The following GRIN2D variants were observed in gnomAD, a reference collection of about 807,000 sequenced individuals.
The protein encoded by GRIN2D is glutamate ionotropic receptor NMDA type subunit 2D, also known as glutamate receptor ionotropic, NMDA 2D.
GRIN2D carries 37 observed loss-of-function variants against 103.2 expected under a neutral mutation model. The observed-to-expected ratio is 0.36, with a 90% CI of 0.28 to 0.47. The LOEUF (loss-of-function observed/expected upper bound fraction) is 0.47. Ranked by LOEUF, GRIN2D falls within the 20% of genes least tolerant of loss-of-function variation. GRIN2D has a pLI of 1.00. For missense variants in GRIN2D, 1,557 were observed against 1,910.6 expected, an observed-to-expected ratio of 0.81 and a Z score of 3.45; for synonymous variants, 845 against 885.6, an observed-to-expected ratio of 0.95 and a Z score of 0.81.
intron 11 of GRIN2D, among the ~76,000 whole-genome samples, chr19:48,430,502 AG>A (rs1182711092): frequency 1.3e-5 from 2 of 150,746 alleles, no homozygotes; most frequent in African/African-American, 4.9e-5. Flanking sequence ...CCCAGCTGAT[AG>A]GGGGTTTCAC....
In GRIN2D at chr19:48,398,351, CG is replaced by C. The variant is rs1970667837; in HGVS notation, c.-26-14del. 1 of 1,071,058 alleles carries C rather than the reference CG, an allele frequency of 9.3e-7. No homozygotes were observed. The highest frequency in any genetic ancestry group is 4.5e-5 in the South Asian group (1 of 22,258). 66.3% of individuals were successfully genotyped at this position (1,071,058 alleles called of 1,614,324 possible). A position where few individuals can be genotyped will look rare whatever the true frequency, so the allele number is the denominator to read the frequency against. On this transcript the variant is annotated splice_polypyrimidine_tract_variant and intron_variant, in intron 2 of 13. Coordinates refer to ENST00000263269, the MANE Select transcript of GRIN2D (RefSeq NM_000836.4). ...GCCTCCCTCTCCTCCCCGTCTCTCC[CG>C]GCCCGGGCGCTCAGAGGCCGCCCGG...
intron 11 of GRIN2D, among the ~76,000 whole-genome samples, chr19:48,441,455 A>G (rs1971290767): frequency 6.6e-6 from 1 of 151,928 alleles, no homozygotes. Flanking sequence ...AGCTTTCCCT[A>G]TAGTCCCTGC....
chr19:48,412,370 T>A (rs545183234), intron 4 of GRIN2D, among the ~76,000 whole-genome samples: 2 of 69,432 alleles, frequency 2.9e-5, no homozygotes, highest in Non-Finnish European at 6.4e-5. Context: ...CATAAAAATT[T>A]AAAAAAAAGA....
chr19:48,434,944 C>T (rs1027622362), intron 11 of GRIN2D, among the ~76,000 whole-genome samples: 5 of 152,102 alleles, frequency 3.3e-5, no homozygotes, highest in African/African-American at 1.2e-4. Flanking sequence ...ATTTATTTCA[C>T]ATATTTTGTA....
At chr19:48,423,221 C>A (rs1465993042) in intron 11 of GRIN2D, among the ~76,000 whole-genome samples, 1 of 151,930 alleles carries the variant, frequency 6.6e-6, no homozygotes, top group Non-Finnish European at 1.5e-5. Flanking sequence ...AAAAAGAAAA[C>A]AATACAAAAA....
rs1970781062 is a variant in GRIN2D at position 48,405,478 on chromosome 19, A to G, written c.1085+125A>G. The G allele has an allele frequency of 2.0e-6, 2 of 1,008,896 alleles. No homozygotes were observed. The highest frequency in any genetic ancestry group is 2.7e-6 in the Non-Finnish European group (2 of 728,714). The allele number at this position is 1,008,896 out of a possible 1,614,324, so 62.5% of individuals were successfully genotyped here. ...TTGAGCCTCAGTTTTCTTTTCTGTA[A>G]AGTGGGTGCAATTGGGTCTCTTTTC... On this transcript the variant is annotated intron_variant, in intron 4 of 13. Transcript: ENST00000263269. This position sits in a 1 kb window ranked among gnomAD's most constrained non-coding sequence, Gnocchi z 5.1.
At chr19:48,409,326 G>A (rs865926362) in intron 4 of GRIN2D, among the ~76,000 whole-genome samples, 4 of 146,590 alleles carry the variant, frequency 2.7e-5, no homozygotes, top group African/African-American at 5.1e-5. Flanking sequence ...TTGCCCAGGC[G>A]GGAGTGCAGT....
At chr19:48,420,738 A>G (rs1415913683) in intron 10 of GRIN2D, among the ~76,000 whole-genome samples, 1 of 152,084 alleles carries the variant, frequency 6.6e-6, no homozygotes, top group Non-Finnish European at 1.5e-5. Context: ...AGGCAGGAGA[A>G]TCGCTTGAAC....
chr19:48,419,829 A>AGGGCT lies in GRIN2D; in HGVS notation c.2091+23_2091+27dup. 6.8e-7 allele frequency: 1 copy of AGGGCT among 1,470,452 alleles called. No homozygotes were observed. The highest frequency in any genetic ancestry group is 9.2e-7 in the Non-Finnish European group (1 of 1,084,416). 91.1% of individuals were successfully genotyped at this position (1,470,452 alleles called of 1,614,324 possible). A position where few individuals can be genotyped will look rare whatever the true frequency, so the allele number is the denominator to read the frequency against. ...GTGACCGCAAGGTGTGTGTGGGCCC[A>AGGGCT]GGGCTGGGCTGGAGCTGGGGCTGGG... On this transcript the variant is annotated intron_variant, in intron 10 of 13. Coordinates refer to ENST00000263269, the MANE Select transcript of GRIN2D (RefSeq NM_000836.4).
At position 48,443,022 on chromosome 19, in the gene GRIN2D, GC is replaced by G. The variant is rs1186341381; in HGVS notation, c.3102del (p.Ala1035ProfsTer483). On this transcript the variant is annotated frameshift_variant, in exon 14 of 14. Transcript: ENST00000263269. LOFTEE classifies it high-confidence loss of function. The surrounding 1 kb of genome is among the most constrained non-coding windows in gnomAD (Gnocchi z 8.9). ...TCCCCGGCTTCCCGTCGCCGCCCGC[GC>G]CCCCCGCCGCCGCGGCCACCGCCGT... is the stretch of plus-strand genomic sequence containing the variant. ...AFPGFPSPPAPPAAAATAVGP... is the reference protein window; with the variant it reads ...AFPGFPSPPAXPAAAATAVGP... 6 of 1,047,154 alleles carry G rather than the reference GC, an allele frequency of 5.7e-6. No homozygotes were observed. Among genetic ancestry groups the G allele is most frequent in the South Asian group, 4.1e-5 (1 of 24,256 alleles). The allele number at this position is 1,047,154 out of a possible 1,614,324, so 64.9% of individuals were successfully genotyped here.
At chr19:48,440,841 C>A (rs1263807092) in intron 11 of GRIN2D, among the ~76,000 whole-genome samples, 8 of 152,006 alleles carry the variant, frequency 5.3e-5, no homozygotes, top group Non-Finnish European at 1.0e-4. Context: ...TGCCTGCCAC[C>A]ACACCTGGCT....
Position 48,443,718 on chromosome 19 carries a change from G to T in GRIN2D, c.3792G>T (p.Pro1264=). The change falls in exon 14 of 14, where the codon CCG becomes CCT. Residue 1264 remains proline, a synonymous_variant. Transcript: ENST00000263269. The surrounding 1 kb of genome is among the most constrained non-coding windows in gnomAD (Gnocchi z 8.9). ...CCGCTGGGGGCTGGGACCTCCCGCCGCCCGCGCCCACCTCGCGCTCGCTCG... is the reference window on the plus strand; with the variant it reads ...CCGCTGGGGGCTGGGACCTCCCGCCTCCCGCGCCCACCTCGCGCTCGCTCG... ...RRAAGGWDLP[P]PAPTSRSLED... 3 of 1,320,028 alleles carry T rather than the reference G, an allele frequency of 2.3e-6. No homozygotes were observed. Among genetic ancestry groups the T allele is most frequent in the Non-Finnish European group, 1.9e-6 (2 of 1,037,146 alleles). 81.8% of individuals were successfully genotyped at this position (1,320,028 alleles called of 1,614,324 possible).
rs549084356 is a variant in GRIN2D, at chr19:48,428,044, CTTT to C, written c.2252+6115_2252+6117del. On this transcript the variant is annotated intron_variant, in intron 11 of 13. Coordinates refer to ENST00000263269, the MANE Select transcript of GRIN2D (RefSeq NM_000836.4). ...CTGTTTGTGTCTCTGTGGCCAAGTT[CTTT>C]TTTTTTTTTTTTTTTGAGATGGAGT... Among the ~76,000 whole-genome samples the C allele has an allele frequency of 5.0e-5, 6 of 120,526 alleles. No individual in the cohort carries two copies. In the East Asian group the frequency reaches 7.1e-4, roughly 14 times the overall value. The allele number at this position is 120,526 out of a possible 152,430, so 79.1% of individuals were successfully genotyped here.
At chr19:48,420,924 TC>T (rs1971015200) in intron 10 of GRIN2D, among the ~76,000 whole-genome samples, 1 of 152,174 alleles carries the variant, frequency 6.6e-6, no homozygotes, top group East Asian at 1.9e-4. Context: ...CTCTCTCCAT[TC>T]CTGTACACAT....
chr19:48,414,008 C>G lies in GRIN2D; in HGVS notation c.1103C>G (p.Thr368Arg). 1 of 1,607,292 alleles carries G rather than the reference C, an allele frequency of 6.2e-7. No individual in the cohort carries two copies. Among genetic ancestry groups the G allele is most frequent in the Non-Finnish European group, 8.5e-7 (1 of 1,173,832 alleles). Residue 368 changes from threonine (T) to arginine (R), a missense_variant, in exon 5 of 14, where the codon ACG becomes AGG. Physicochemically the swap from Thr to Arg is moderately conservative, Grantham distance 71. Coordinates refer to ENST00000263269, the MANE Select transcript of GRIN2D (RefSeq NM_000836.4). This position sits in a 1 kb window ranked among gnomAD's most constrained non-coding sequence, Gnocchi z 4.6. ...CTGGGCAGGTACTTCATGAACATCA[C>G]GTGGGATAACCGGGATTACTCCTTC... Reference protein sequence around the residue: ...ESLHRYFMNITWDNRDYSFNE... With the variant: ...ESLHRYFMNIRWDNRDYSFNE...
In GRIN2D at chr19:48,416,014, C is replaced by A. The variant is rs926885193; in HGVS notation, c.1594C>A (p.Arg532Ser). The part of the protein sequence containing the change: ...NGMIGEVFYQ[R>S]ADMAIGSLTI... ...GCCCCCACCCCAGGTGTTCTACCAG[C>A]GCGCAGACATGGCCATCGGCTCCCT... The change falls in exon 8 of 14, where the codon CGC becomes AGC. Residue 532 changes from arginine (R) to serine (S), a missense_variant. Transcript: ENST00000263269. The A allele has an allele frequency of 1.9e-6, 3 of 1,613,672 alleles. No individual in the cohort carries two copies. Among genetic ancestry groups the A allele is most frequent in the South Asian group, 2.2e-5 (2 of 91,072 alleles).
intron 2 of GRIN2D, among the ~76,000 whole-genome samples, chr19:48,396,401 G>A (rs1970640613): frequency 6.6e-6 from 1 of 152,078 alleles, no homozygotes; most frequent in African/African-American, 2.4e-5. Flanking sequence ...GTAGGGAGTG[G>A]GACGCGGGGT....
In GRIN2D at chr19:48,398,510, G is replaced by A. The variant is rs1400698740; in HGVS notation, c.118G>A (p.Gly40Arg). 7 of 1,012,960 alleles carry A rather than the reference G, an allele frequency of 6.9e-6. No individual in the cohort carries two copies. Among genetic ancestry groups the A allele is most frequent in the Non-Finnish European group, 8.2e-6 (7 of 849,934 alleles). The allele number at this position is 1,012,960 out of a possible 1,614,324, so 62.7% of individuals were successfully genotyped here. A position where few individuals can be genotyped will look rare whatever the true frequency, so the allele number is the denominator to read the frequency against. ...GGCGCCGGGGCCGGGCGGGGCCGGT[G>A]GGCCCGGCGGCGGCCTCGGCGGGGC... Reference protein sequence around the residue: ...EEAPGPGGAGGPGGGLGGARP... With the variant: ...EEAPGPGGAGRPGGGLGGARP... The change falls in exon 3 of 14, where the codon GGG becomes AGG. Residue 40 changes from glycine (G) to arginine (R), a missense_variant. Around this residue, in one of 7 missense-constraint regions of GRIN2D, gnomAD observed 490 missense variants for 601.1 expected, o/e 0.82. Transcript: ENST00000263269.
In GRIN2D at chr19:48,416,215, G is replaced by A; in HGVS notation, c.1735+60G>A. The A allele has an allele frequency of 4.7e-6, 7 of 1,496,734 alleles. No homozygotes were observed. The South Asian group carries it at 6.9e-5, about 15-fold the overall frequency. The allele number at this position is 1,496,734 out of a possible 1,614,324, so 92.7% of individuals were successfully genotyped here. A position where few individuals can be genotyped will look rare whatever the true frequency, so the allele number is the denominator to read the frequency against. On this transcript the variant is annotated intron_variant, in intron 8 of 13. Transcript: ENST00000263269. The stretch of plus-strand genomic sequence containing the variant: ...AGGCAAAGTAGCCGTCCCCAACCGT[G>A]TGGGCCCTGGGATCAGAAAACCTGG...
Sources: allele counts gnomAD v4.1 joint callset (sites outside exome capture counted in the v4.1 genomes callset), GRCh38; gene constraint gnomAD v4.1.1; regional missense constraint gnomAD v4.1.1; non-coding constraint Gnocchi (gnomAD v3.1); transcripts MANE v1.5; gene names NCBI Gene and HGNC (gene_info 2026-07-23, HGNC 2026-07-21).